Variants in UBXN7 observed in about 807,000 individuals in gnomAD.
UBXN7 encodes the protein UBX domain protein 7.
UBXN7 carries 9 observed loss-of-function variants against 58.0 expected under a neutral mutation model. The observed-to-expected ratio is 0.16, with a 90% CI of 0.09 to 0.27. UBXN7 has a LOEUF of 0.27. Ranked by LOEUF, UBXN7 falls within the 10% of genes least tolerant of loss-of-function variation. The pLI, the probability that UBXN7 is intolerant of heterozygous loss-of-function variation, is 1.00. For missense variants in UBXN7, 328 were observed against 599.6 expected (o/e 0.55, Z 4.73); for synonymous variants, 208 against 205.0 (o/e 1.01, Z -0.12).
intron 1 of UBXN7, among the ~76,000 whole-genome samples, chr3:196,417,117 T>TC (rs1231865177): frequency 9.9e-5 from 15 of 152,070 alleles, no homozygotes; most frequent in East Asian, 1.9e-4. Context: ...ATCGAGACCA[T>TC]CCTGGCTAAC....
At chr3:196,417,299 G>A (rs954809429) in intron 1 of UBXN7, among the ~76,000 whole-genome samples, 33 of 152,236 alleles carry the variant, frequency 2.2e-4, no homozygotes, top group Admixed American at 1.2e-3. Context: ...GAGACAGAGC[G>A]AGACTCCATC....
chr3:196,364,666 G>T (rs945505688), intron 8 of UBXN7, among the ~76,000 whole-genome samples: 3 of 149,152 alleles, frequency 2.0e-5, no homozygotes, highest in Non-Finnish European at 4.4e-5. Flanking sequence ...CAATCATGTA[G>T]CAAAAAATTA....
intron 5 of UBXN7, among the ~76,000 whole-genome samples, chr3:196,383,569 T>C (rs1685875681): frequency 6.6e-6 from 1 of 152,130 alleles, no homozygotes; most frequent in Non-Finnish European, 1.5e-5. Context: ...CCTCAGCAAA[T>C]GCAAAAGAAC....
rs149131695 is a variant in UBXN7 at position 196,402,511 on chromosome 3, T to C, written c.289+441A>G. Among the ~76,000 whole-genome samples, 431 of 152,308 alleles carry C rather than the reference T, an allele frequency of 2.8e-3. 2 individuals carry two copies. The highest frequency in any genetic ancestry group is 4.8e-3 in the Non-Finnish European group (326 of 68,028). ...ATCTGATTAAATGTCCCATTCTCTA[T>C]CGCCAGTCTCTATCCAGATTCATAT... On this transcript the variant is annotated intron_variant, in intron 3 of 10. Transcript: ENST00000296328.
rs58571417 is a variant in UBXN7 at position 196,418,125 on chromosome 3, T to C, written c.74-10732A>G. ...GATGGTGGGAGCCTGTAATCCCAGC[T>C]ACTCGGGAGGCTGGGGTGGGAGAAT... On this transcript the variant is annotated intron_variant, in intron 1 of 10. Transcript: ENST00000296328. Among the ~76,000 whole-genome samples the C allele has an allele frequency of 1.0e-2, 1,519 of 152,062 alleles. 28 individuals are homozygous for C. The highest frequency in any genetic ancestry group is 0.035 in the African/African-American group (1,450 of 41,460).
At chr3:196,393,252 C>T (rs1172089358) in intron 4 of UBXN7, among the ~76,000 whole-genome samples, 2 of 152,162 alleles carry the variant, frequency 1.3e-5, no homozygotes, top group Non-Finnish European at 2.9e-5. Flanking sequence ...AGTCAGGATC[C>T]TGAGGGAAAT....
chr3:196,350,400 G>GT lies in UBXN7; in HGVS notation c.*6284dup, dbSNP rs1728182178. ...ACTAGGGAGAAAATGAGCTATAAAA[G>GT]TAAGTTTGCCTCAAAAATGTCCTTC... On this transcript the variant is annotated 3_prime_UTR_variant, in exon 11 of 11. Transcript: ENST00000296328. The GT allele has an allele frequency of 6.6e-6, 1 of 152,128 alleles. No homozygotes were observed. Among genetic ancestry groups the GT allele is most frequent in the South Asian group, 2.1e-4 (1 of 4,826 alleles). 9.4% of individuals were successfully genotyped at this position (152,128 alleles called of 1,614,324 possible).
At chr3:196,381,954 GAAAC>G (rs1297213438) in intron 5 of UBXN7, among the ~76,000 whole-genome samples, 8 of 152,268 alleles carry the variant, frequency 5.3e-5, no homozygotes, top group Non-Finnish European at 8.8e-5. Flanking sequence ...AGAGTAAAAA[GAAAC>G]AAACAAAGCC....
At chr3:196,394,100 C>T (rs900273167) in intron 3 of UBXN7, among the ~76,000 whole-genome samples, 3 of 151,300 alleles carry the variant, frequency 2.0e-5, no homozygotes, top group Admixed American at 6.6e-5. Flanking sequence ...ACCAGCCTGA[C>T]CAACATGGTG....
chr3:196,386,053 G>A (rs974482731), intron 5 of UBXN7, among the ~76,000 whole-genome samples: 7 of 152,116 alleles, frequency 4.6e-5, no homozygotes, highest in African/African-American at 1.7e-4. Flanking sequence ...TCTGCCTTGG[G>A]ATGCTGTTTA....
chr3:196,400,553 T>A (rs773880929), intron 3 of UBXN7: 7 of 172,388 alleles, frequency 4.1e-5, no homozygotes, highest in Non-Finnish European at 8.8e-5. Context: ...TGAGATCAGT[T>A]CCATAGCAGC....
intron 5 of UBXN7, among the ~76,000 whole-genome samples, chr3:196,375,183 C>CCACACACACA (rs56188527): frequency 3.9e-4 from 54 of 139,820 alleles, no homozygotes; most frequent in South Asian, 1.9e-3. Context: ...GGTGCTCTTA[C>CCACACACACA]CACACACACA....
In UBXN7 at chr3:196,361,875, T is replaced by G. The variant is rs1728513979; in HGVS notation, c.1277A>C (p.Gln426Pro). Residue 426 changes from glutamine (Q) to proline (P), a missense_variant, in exon 10 of 11, where the codon CAG (glutamine) becomes CCG (proline). Physicochemically the swap from Gln to Pro is moderately conservative, Grantham distance 76 (BLOSUM62 -1). Coordinates refer to ENST00000296328, the MANE Select transcript of UBXN7 (RefSeq NM_015562.2). ...TTTAGCTTGCTCTGGAAGAGTGATC[T>G]GTTCCCTTTTTCCATCTGGATACCG... The part of the protein sequence containing the change: ...MLRYPDGKRE[Q>P]ITLPEQAKLL... 6.2e-7 allele frequency: 1 copy of G among 1,613,836 alleles called. No individual in the cohort carries two copies. Among genetic ancestry groups the G allele is most frequent in the Non-Finnish European group, 8.5e-7 (1 of 1,180,012 alleles).
chr3:196,402,860 A>T, intron 3 of UBXN7, 92 bp downstream of exon 3: 3 of 1,376,676 alleles, frequency 2.2e-6, no homozygotes, highest in Non-Finnish European at 3.0e-6. Flanking sequence ...CACTTCTAAC[A>T]GTCTCCTAGC....
rs1301055604 is a variant in UBXN7 at position 196,407,358 on chromosome 3, C to T, written c.109G>A (p.Ala37Thr). ...GCCATTTCCAGATTATTGTTGCACG[C>T]TTCAAGCATATGTTTTCCTACACTT... ...SESVGKHMLE[A>T]CNNNLEMAVT... The change falls in exon 2 of 11, where the codon GCG (alanine) becomes ACG (threonine). Residue 37 changes from alanine (A) to threonine (T), a missense_variant. Transcript: ENST00000296328. 5.6e-6 allele frequency: 9 copies of T among 1,612,618 alleles called. No homozygotes were observed. Among genetic ancestry groups the T allele is most frequent in the Non-Finnish European group, 7.6e-6 (9 of 1,179,764 alleles).
intron 2 of UBXN7, among the ~76,000 whole-genome samples, chr3:196,405,561 A>T (rs1008649076): frequency 7.3e-5 from 11 of 150,586 alleles, no homozygotes; most frequent in Non-Finnish European, 1.3e-4. Flanking sequence ...CTCGCTTTAC[A>T]GTGTGTGTGT....
Position 196,386,192 on chromosome 3 carries a change from C to T in UBXN7, c.468+5621G>A, listed in dbSNP as rs190639381. On this transcript the variant is annotated intron_variant, in intron 5 of 10. Transcript: ENST00000296328. ...GCTTGAAGGCAGCATACTCGTTAAG[C>T]GTCATCACCACTCCCTAATCTCAAG... 1.8e-3 allele frequency among the ~76,000 whole-genome samples: 280 copies of T among 151,638 alleles called. 2 individuals are homozygous for T. The highest frequency in any genetic ancestry group is 4.1e-3 in the Admixed American group (62 of 15,210).
intron 5 of UBXN7, among the ~76,000 whole-genome samples, chr3:196,387,530 A>T (rs1729446328): frequency 1.3e-5 from 2 of 152,234 alleles, no homozygotes; most frequent in South Asian, 4.1e-4. Context: ...AATTTTTGCA[A>T]TCTACCCATC....
At chr3:196,375,375 G>T (rs1264014458) in intron 5 of UBXN7, among the ~76,000 whole-genome samples, 1 of 152,072 alleles carries the variant, frequency 6.6e-6, no homozygotes, top group Non-Finnish European at 1.5e-5. Context: ...CCACTGCCTT[G>T]GGAGGCCAAG....
Sources: gnomAD v4.1 joint callset for allele counts (sites outside exome capture counted in the v4.1 genomes callset) on GRCh38, gnomAD v4.1.1 for gene constraint, MANE v1.5 for transcripts, NCBI Gene and HGNC (gene_info 2026-07-23, HGNC 2026-07-21) for gene names.